CTNNA3: variants seen among roughly 807,000 people sequenced by gnomAD.
CTNNA3 encodes catenin alpha 3.
In CTNNA3, 76 loss-of-function variants were observed where a neutral mutation model predicts 95.7. That is an observed-to-expected ratio of 0.79 (90% CI 0.66 to 0.96). The LOEUF is 0.96. Among genes scored for constraint, CTNNA3 ranks in the 40% least tolerant of loss-of-function variants. The pLI, the probability that CTNNA3 is intolerant of heterozygous loss-of-function variation, is 0.00. For missense variants in CTNNA3, 1,191 were observed against 1,089.8 expected, an observed-to-expected ratio of 1.09 and a Z score of -1.31; for synonymous variants, 431 against 374.4, an observed-to-expected ratio of 1.15 and a Z score of -1.74.
At chr10:67,620,386 G>A (rs148788436) in intron 2 of CTNNA3, among the ~76,000 whole-genome samples, 1 of 152,054 alleles carries the variant, frequency 6.6e-6, no homozygotes, top group African/African-American at 2.4e-5. Flanking sequence ...TCCAAAGGCC[G>A]CATCTCCCAC....
rs555311550 is a variant in CTNNA3, at chr10:67,641,049, A to G, written c.99+6366T>C. Among the ~76,000 whole-genome samples, 542 of 152,314 alleles carry G rather than the reference A, an allele frequency of 3.6e-3. 3 individuals carry two copies. The highest frequency in any genetic ancestry group is 4.7e-3 in the Non-Finnish European group (319 of 68,022). On this transcript the variant is annotated intron_variant, in intron 2 of 17. Transcript: ENST00000433211. ...GAGCTTCCGCACAGCAAAAGAAACT[A>G]CCATCAGAGTGAATAGGCAACCTAC...
At chr10:66,158,277 A>G (rs2084652441) in intron 13 of CTNNA3, among the ~76,000 whole-genome samples, 1 of 152,104 alleles carries the variant, frequency 6.6e-6, no homozygotes, top group South Asian at 2.1e-4. Context: ...GTTATCTTCT[A>G]TAATTTTTAT....
intron 17 of CTNNA3, among the ~76,000 whole-genome samples, chr10:65,950,989 T>C (rs372431741): frequency 3.3e-4 from 51 of 152,278 alleles, no homozygotes; most frequent in African/African-American, 7.7e-4. Flanking sequence ...GTGAGAGAGA[T>C]ACCACAGCAG....
intron 15 of CTNNA3, among the ~76,000 whole-genome samples, chr10:66,043,383 T>C (rs1333692027): frequency 6.6e-6 from 1 of 152,218 alleles, no homozygotes; most frequent in Admixed American, 6.5e-5. Context: ...GAGAGCACTG[T>C]GGAGTTACTC....
At chr10:66,195,646 T>C (rs1289425299) in intron 13 of CTNNA3, among the ~76,000 whole-genome samples, 2 of 152,176 alleles carry the variant, frequency 1.3e-5, no homozygotes, top group African/African-American at 4.8e-5. Flanking sequence ...TGAATGCATT[T>C]TATTTCAATC....
intron 2 of CTNNA3, among the ~76,000 whole-genome samples, chr10:67,633,641 C>T (rs1305526488): frequency 6.6e-6 from 1 of 152,164 alleles, no homozygotes; most frequent in Admixed American, 6.5e-5. Context: ...AGCAGCCCAA[C>T]AGAAGAGTGA....
At chr10:67,676,863 C>G (rs1775462870) in intron 1 of CTNNA3, among the ~76,000 whole-genome samples, 1 of 152,156 alleles carries the variant, frequency 6.6e-6, no homozygotes, top group Non-Finnish European at 1.5e-5. Context: ...GCCTTCCAGT[C>G]AGTTACACAT....
intron 10 of CTNNA3, among the ~76,000 whole-genome samples, chr10:66,551,366 G>A (rs543254280): frequency 1.3e-5 from 2 of 152,000 alleles, no homozygotes; most frequent in African/African-American, 2.4e-5. Context: ...AGTAATATAC[G>A]TATCAGTTTC....
At chr10:67,539,080 G>A (rs180710576) in intron 4 of CTNNA3, among the ~76,000 whole-genome samples, 1 of 152,172 alleles carries the variant, frequency 6.6e-6, no homozygotes, top group African/African-American at 2.4e-5. Flanking sequence ...GAATCAAGAG[G>A]ACATGGCAAA....
At chr10:66,111,531 G>A (rs73312122) in intron 13 of CTNNA3, among the ~76,000 whole-genome samples, 7 of 152,174 alleles carry the variant, frequency 4.6e-5, no homozygotes, top group African/African-American at 1.2e-4. Context: ...CGGCATGGCC[G>A]TATGTAGACA....
chr10:67,558,099 T>C (rs1393212913), intron 3 of CTNNA3, among the ~76,000 whole-genome samples: 3 of 152,166 alleles, frequency 2.0e-5, no homozygotes, highest in African/African-American at 7.2e-5. Context: ...TTTCTAAACA[T>C]GGCCACTCTC....
At position 66,460,068 on chromosome 10, in the gene CTNNA3, T is replaced by C. The variant is rs1050765095; in HGVS notation, c.1531+60549A>G. ...ATTTTTCTAGAATTATCCAAAATGC[T>C]ACCTAAAATTCCTATTCCAAATGGA... On this transcript the variant is annotated intron_variant, in intron 11 of 17. Transcript: ENST00000433211. Among the ~76,000 whole-genome samples the C allele has an allele frequency of 2.4e-4, 36 of 152,208 alleles. 1 individual carries two copies.
At chr10:67,611,596 G>A (rs1219248632) in intron 2 of CTNNA3, among the ~76,000 whole-genome samples, 6 of 152,254 alleles carry the variant, frequency 3.9e-5, no homozygotes, top group South Asian at 2.1e-4. Flanking sequence ...GATTACAGGC[G>A]TGAGCCACTG....
At chr10:66,517,274 T>C (rs2631199) in intron 11 of CTNNA3, among the ~76,000 whole-genome samples, 38,492 of 151,884 alleles carry the variant, frequency 0.25, 6,128 homozygotes, top group East Asian at 0.79. Context: ...GGCATGTGAA[T>C]CAGAACAACT....
intron 7 of CTNNA3, among the ~76,000 whole-genome samples, chr10:66,865,581 C>T (rs542079878): frequency 4.6e-5 from 7 of 151,838 alleles, no homozygotes; most frequent in East Asian, 1.9e-4. Context: ...GCTCTTGGCA[C>T]AATTTATGTA....
intron 5 of CTNNA3, among the ~76,000 whole-genome samples, chr10:67,290,997 G>T: frequency 6.6e-6 from 1 of 152,050 alleles, no homozygotes; most frequent in East Asian, 1.9e-4. Flanking sequence ...TAATATAATA[G>T]GTGATGTTAC....
chr10:67,536,629 C>T (rs932247810), intron 4 of CTNNA3, among the ~76,000 whole-genome samples: 1 of 151,864 alleles, frequency 6.6e-6, no homozygotes, highest in African/African-American at 2.4e-5. Flanking sequence ...CAGAAATTTC[C>T]AGGATTAATA....
chr10:66,122,424 T>C (rs935177592), intron 13 of CTNNA3, among the ~76,000 whole-genome samples: 2 of 152,104 alleles, frequency 1.3e-5, no homozygotes, highest in Non-Finnish European at 2.9e-5. Flanking sequence ...AAAAGAAACA[T>C]TGAAATGATA....
chr10:66,943,009 C>G (rs942032155), intron 7 of CTNNA3, among the ~76,000 whole-genome samples: 1 of 152,142 alleles, frequency 6.6e-6, no homozygotes, highest in Non-Finnish European at 1.5e-5. Flanking sequence ...AACAAAATAG[C>G]TTCTCAGGGC....
Sources: gnomAD v4.1 joint callset for allele counts (sites outside exome capture counted in the v4.1 genomes callset) on GRCh38, gnomAD v4.1.1 for gene constraint, MANE v1.5 for transcripts, NCBI Gene and HGNC (gene_info 2026-07-23, HGNC 2026-07-21) for gene names.